TMEM232: variants seen among roughly 807,000 people sequenced by gnomAD.
TMEM232 encodes transmembrane protein 232.
A neutral mutation model predicts 78.8 loss-of-function variants in TMEM232; 80 were observed. The observed-to-expected ratio is 1.01, with a 90% CI of 0.85 to 1.22. TMEM232 has a LOEUF of 1.22. Ranked by LOEUF, TMEM232 falls within the 50% of genes most tolerant of loss-of-function variation. TMEM232 has a pLI of 0.00. For synonymous variants in TMEM232, 297 were observed against 254.3 expected (o/e 1.17, Z -1.60); for missense variants, 881 against 742.2 (o/e 1.19, Z -2.17).
intron 12 of TMEM232, among the ~76,000 whole-genome samples, chr5:110,445,149 A>G (rs1010016030): frequency 6.6e-6 from 1 of 151,658 alleles, no homozygotes; most frequent in African/African-American, 2.4e-5. Context: ...CTTTTTCTGC[A>G]CTGTTTCAAA....
chr5:110,586,636 A>G (rs902472443), intron 10 of TMEM232, among the ~76,000 whole-genome samples: 16 of 152,018 alleles, frequency 1.1e-4, no homozygotes, highest in African/African-American at 3.6e-4. Flanking sequence ...TTTTACATCA[A>G]AAACATTCTT....
intron 2 of TMEM232, among the ~76,000 whole-genome samples, chr5:110,659,745 G>T (rs960460004): frequency 1.3e-5 from 2 of 151,998 alleles, no homozygotes; most frequent in Non-Finnish European, 2.9e-5. Context: ...CAGATTTGAA[G>T]AAAACTAAAT....
At chr5:110,715,815 A>G (rs751659965) in intron 1 of TMEM232, among the ~76,000 whole-genome samples, 1 of 151,952 alleles carries the variant, frequency 6.6e-6, no homozygotes, top group Non-Finnish European at 1.5e-5. Flanking sequence ...ATCAACACAG[A>G]CCTTAAGTCT....
chr5:110,689,744 G>C (rs1243759341), intron 1 of TMEM232, among the ~76,000 whole-genome samples: 2 of 152,090 alleles, frequency 1.3e-5, no homozygotes, highest in African/African-American at 4.8e-5. Flanking sequence ...GATACTACAA[G>C]GCTACAGTAA....
chr5:110,580,137 A>C (rs1157777116), intron 10 of TMEM232, among the ~76,000 whole-genome samples: 1 of 151,772 alleles, frequency 6.6e-6, no homozygotes, highest in Non-Finnish European at 1.5e-5. Context: ...ATATATATGC[A>C]ACCAAGATAA....
At chr5:110,590,582 G>A (rs1012175369) in intron 10 of TMEM232, among the ~76,000 whole-genome samples, 1 of 151,798 alleles carries the variant, frequency 6.6e-6, no homozygotes, top group Non-Finnish European at 1.5e-5. Context: ...CACCGTCAGG[G>A]GAAAAACTGC....
At chr5:110,442,655 A>G (rs1431906645) in intron 12 of TMEM232, among the ~76,000 whole-genome samples, 1 of 151,996 alleles carries the variant, frequency 6.6e-6, no homozygotes, top group Non-Finnish European at 1.5e-5. Context: ...CTGAAGTCAC[A>G]GTTTCCTGGA....
At chr5:110,451,487 C>G (rs1442198936) in intron 12 of TMEM232, among the ~76,000 whole-genome samples, 4 of 152,126 alleles carry the variant, frequency 2.6e-5, no homozygotes, top group Admixed American at 2.6e-4. Context: ...TCATCATTGT[C>G]CTGTGAGTCT....
chr5:110,566,803 T>C (rs1161640430), intron 11 of TMEM232, among the ~76,000 whole-genome samples: 3 of 151,950 alleles, frequency 2.0e-5, no homozygotes, highest in Non-Finnish European at 4.4e-5. Context: ...CAGGTATCTT[T>C]ACAGCAGCAC....
At chr5:110,513,457 C>T (rs978464402) in intron 12 of TMEM232, among the ~76,000 whole-genome samples, 1 of 151,816 alleles carries the variant, frequency 6.6e-6, no homozygotes, top group Non-Finnish European at 1.5e-5. Context: ...TAAAACCAAA[C>T]AAGAACAAAA....
At chr5:110,722,445 T>C (rs1371909432) in intron 1 of TMEM232, among the ~76,000 whole-genome samples, 1 of 152,106 alleles carries the variant, frequency 6.6e-6, no homozygotes, top group Non-Finnish European at 1.5e-5. Flanking sequence ...TTGACTAGGA[T>C]TGTAGGATCC....
At position 110,470,212 on chromosome 5, in the gene TMEM232, T is replaced by C. The variant is rs139776782; in HGVS notation, c.1704-45296A>G. 6.8e-3 allele frequency among the ~76,000 whole-genome samples: 1,030 copies of C among 152,166 alleles called. 21 individuals carry two copies. Among genetic ancestry groups the C allele is most frequent in the African/African-American group, 0.023 (954 of 41,514 alleles). Reference sequence around the variant, plus strand: ...ACCCAAACATCTAGAAAACCTTCTCTTCCCCAGGGACGGGCCTGTGCTGTG... The same window carrying C: ...ACCCAAACATCTAGAAAACCTTCTCCTCCCCAGGGACGGGCCTGTGCTGTG... On this transcript the variant is annotated intron_variant, in intron 12 of 13. Transcript: ENST00000455884.
At chr5:110,610,646 T>C (rs1449091026) in intron 8 of TMEM232, 1 of 411,774 alleles carries the variant, frequency 2.4e-6, no homozygotes, top group Non-Finnish European at 4.7e-6. Context: ...GCCTACTAAA[T>C]CACAAAGATG....
intron 1 of TMEM232, among the ~76,000 whole-genome samples, chr5:110,705,910 T>G (rs957476857): frequency 8.6e-5 from 13 of 151,636 alleles, no homozygotes; most frequent in Non-Finnish European, 5.9e-5. Flanking sequence ...TCCAAAATAA[T>G]ATATGCTATA....
chr5:110,517,110 C>T (rs556234640), intron 12 of TMEM232, among the ~76,000 whole-genome samples: 66 of 152,188 alleles, frequency 4.3e-4, no homozygotes, highest in South Asian at 3.5e-3. Flanking sequence ...TATATAGGCA[C>T]GCTAAATGAG....
chr5:110,527,704 TAATC>T (rs1401267386), intron 12 of TMEM232, among the ~76,000 whole-genome samples: 4 of 151,938 alleles, frequency 2.6e-5, no homozygotes, highest in East Asian at 3.9e-4. Flanking sequence ...TGCAATCTAT[TAATC>T]AATCAATCAC....
chr5:110,461,744 A>G (rs1190060224), intron 12 of TMEM232, among the ~76,000 whole-genome samples: 1 of 152,212 alleles, frequency 6.6e-6, no homozygotes, highest in East Asian at 1.9e-4. Flanking sequence ...TGACCATTCC[A>G]AAAGTTCTAG....
intron 12 of TMEM232, among the ~76,000 whole-genome samples, chr5:110,524,291 G>A (rs1770060566): frequency 1.5e-5 from 2 of 132,858 alleles, no homozygotes; most frequent in African/African-American, 2.8e-5. Context: ...AGAGAGAGAG[G>A]GAGAAAGAAA....
chr5:110,514,199 T>C (rs1326932769), intron 12 of TMEM232, among the ~76,000 whole-genome samples: 1 of 152,158 alleles, frequency 6.6e-6, no homozygotes, highest in Non-Finnish European at 1.5e-5. Context: ...AATACATGTC[T>C]GGCATAGTCA....
Sources: gnomAD v4.1 joint callset for allele counts (sites outside exome capture counted in the v4.1 genomes callset) on GRCh38, gnomAD v4.1.1 for gene constraint, MANE v1.5 for transcripts, NCBI Gene and HGNC (gene_info 2026-07-23, HGNC 2026-07-21) for gene names.